The following CTNND1 variants were observed in gnomAD, a reference collection of about 807,000 sequenced individuals.
The protein encoded by CTNND1 is catenin delta 1.
A neutral mutation model predicts 112.1 loss-of-function variants in CTNND1; 16 were observed. The observed-to-expected ratio is 0.14, with a 90% confidence interval of 0.10 to 0.22. The LOEUF (loss-of-function observed/expected upper bound fraction) is 0.22, where lower values mean the gene tolerates loss of function less well. CTNND1 is among the 10% of genes least tolerant of loss of function. The probability of loss-of-function intolerance (pLI) is 1.00; values close to 1 mark genes in which losing one functional copy is unlikely to be tolerated. For synonymous variants in CTNND1, 420 were observed against 446.5 expected, an observed-to-expected ratio of 0.94 and a Z score of 0.75; for missense variants, 1,008 against 1,257.0, an observed-to-expected ratio of 0.80 and a Z score of 3.00.
At chr11:57,809,214 T>C (rs941022910) in intron 14 of CTNND1, 60 bp from the exon 15 acceptor site, 3 of 1,244,780 alleles carry the variant, frequency 2.4e-6, no homozygotes, top group Admixed American at 1.8e-5. Flanking sequence ...TTAAGTATAA[T>C]GTAAGGCTCT....
At chr11:57,807,605 CAA>C (rs71470294) in intron 12 of CTNND1, among the ~76,000 whole-genome samples, 576 of 29,122 alleles carry the variant, frequency 0.02, 1 homozygote, top group African/African-American at 0.072. Context: ...AACTCCGTCT[CAA>C]AAAAAAAAAA....
rs2064074532 is a variant in CTNND1 at position 57,818,186 on chromosome 11, T to C, written c.*1878T>C. On this transcript the variant is annotated 3_prime_UTR_variant, in exon 21 of 21. Coordinates refer to ENST00000399050, the MANE Select transcript of CTNND1 (RefSeq NM_001085458.2). ...GATCTCTCTTGTCCTCTTCTGCTCT[T>C]TTCCTGGTGCTCTTTTTTCTCGGTG... is the stretch of plus-strand genomic sequence containing the variant. 6.6e-6 allele frequency: 1 copy of C among 152,206 alleles called. No individual in the cohort carries two copies. The highest frequency in any genetic ancestry group is 2.4e-5 in the African/African-American group (1 of 41,296). 9.4% of individuals were successfully genotyped at this position (152,206 alleles called of 1,614,324 possible). A position where few individuals can be genotyped will look rare whatever the true frequency, so the allele number is the denominator to read the frequency against.
At chr11:57,808,105 C>G in intron 12 of CTNND1, 60 bp from the exon 13 acceptor site, 1 of 1,551,548 alleles carries the variant, frequency 6.4e-7, no homozygotes, top group Non-Finnish European at 8.8e-7. Context: ...CTCCAGCCAG[C>G]TAGAGCCTGG....
At chr11:57,807,627 A>AAG (rs1555063239) in intron 12 of CTNND1, among the ~76,000 whole-genome samples, 3 of 141,394 alleles carry the variant, frequency 2.1e-5, no homozygotes, top group East Asian at 2.0e-4. Context: ...AAAAAAAAAA[A>AAG]AAAAGAAAAG....
At chr11:57,765,658 G>A (rs573132534) in intron 1 of CTNND1, among the ~76,000 whole-genome samples, 120 of 151,742 alleles carry the variant, frequency 7.9e-4, no homozygotes, top group Middle Eastern at 6.8e-3. Context: ...TGTGGAGATG[G>A]GGTCTCTCTA....
chr11:57,809,199 T>C, intron 14 of CTNND1, 75 bp from the exon 15 acceptor site: 3 of 1,032,820 alleles, frequency 2.9e-6, no homozygotes, highest in Non-Finnish European at 2.9e-6. Flanking sequence ...ATATGATTAA[T>C]GCAGTTAAGT....
intron 14 of CTNND1, among the ~76,000 whole-genome samples, 174 bp downstream of exon 14, chr11:57,808,714 A>G (rs1297956319): frequency 1.3e-5 from 2 of 152,260 alleles, no homozygotes; most frequent in Non-Finnish European, 2.9e-5. Context: ...GTTCTTGGAA[A>G]GAAAACAAGT....
Position 57,815,929 on chromosome 11 carries a change from G to A in CTNND1, c.2823G>A (p.Gln941=). 1 of 1,607,842 alleles carries A rather than the reference G, an allele frequency of 6.2e-7. No individual in the cohort carries two copies. Among genetic ancestry groups the A allele is most frequent in the Non-Finnish European group, 8.5e-7 (1 of 1,178,462 alleles). ...TGTGTTCACAGCAGGACGAGGGGCA[G>A]GAATCTCTGGAGGAAGAGTTGGATG... The part of the protein sequence containing the change: ...GTTPLMQDEG[Q]ESLEEELDVL... Residue 941 remains glutamine, a synonymous_variant, in exon 20 of 21, where the codon CAG becomes CAA. Transcript: ENST00000399050.
At position 57,761,934 on chromosome 11, in the gene CTNND1, G is replaced by A. The variant is rs1949951229; in HGVS notation, c.-399G>A. On this transcript the variant is annotated 5_prime_UTR_variant, in exon 1 of 21. Coordinates refer to ENST00000399050, the MANE Select transcript of CTNND1 (RefSeq NM_001085458.2). ...AGAAGAGCAGGAAAGATCCCGAAAG[G>A]AGGAAGAGGTGGCGAAAAATCAACT... The A allele has an allele frequency of 1.0e-6, 1 of 985,324 alleles. No individual in the cohort carries two copies. Among genetic ancestry groups the A allele is most frequent in the Admixed American group, 6.1e-5 (1 of 16,270 alleles). The allele number at this position is 985,324 out of a possible 1,614,324, so 61.0% of individuals were successfully genotyped here. A position where few individuals can be genotyped will look rare whatever the true frequency, so the allele number is the denominator to read the frequency against.
intron 1 of CTNND1, among the ~76,000 whole-genome samples, chr11:57,765,950 C>T (rs1027567017): frequency 2.6e-5 from 4 of 151,908 alleles, no homozygotes; most frequent in African/African-American, 7.3e-5. Context: ...GTGGGTGGAT[C>T]GCTGGGCAAC....
intron 3 of CTNND1, 126 bp from the exon 4 acceptor site, chr11:57,793,884 A>C (rs2061044949): frequency 1.2e-6 from 1 of 850,956 alleles, no homozygotes; most frequent in Admixed American, 2.2e-5. Flanking sequence ...GAGTACTGAC[A>C]CAAGGACTCC....
intron 2 of CTNND1, among the ~76,000 whole-genome samples, chr11:57,790,550 GTGTTTTTTTTTT>G (rs1376105339): frequency 4.7e-5 from 4 of 85,922 alleles, no homozygotes; most frequent in African/African-American, 8.4e-5. Flanking sequence ...GTCTGTGTGT[GTGTTTTTTTTTT>G]TTTTTTTTTT....
intron 1 of CTNND1, among the ~76,000 whole-genome samples, chr11:57,778,333 A>G (rs1160929448): frequency 2.0e-5 from 3 of 152,214 alleles, no homozygotes; most frequent in Admixed American, 6.5e-5. Flanking sequence ...GTAGTTCTCC[A>G]AATGGGAATA....
At chr11:57,800,961 C>G (rs2061960678) in intron 6 of CTNND1, among the ~76,000 whole-genome samples, 1 of 152,128 alleles carries the variant, frequency 6.6e-6, no homozygotes, top group African/African-American at 2.4e-5. Flanking sequence ...GCTGGGCTTC[C>G]CAAATGTGAT....
chr11:57,796,328 G>C, intron 5 of CTNND1, 129 bp from the exon 6 acceptor site: 2 of 846,386 alleles, frequency 2.4e-6, no homozygotes, highest in Middle Eastern at 2.8e-4. Flanking sequence ...AGAGGTTGCA[G>C]GTGAGCCGAG....
At chr11:57,775,038 G>A (rs1407888652) in intron 1 of CTNND1, among the ~76,000 whole-genome samples, 4 of 148,320 alleles carry the variant, frequency 2.7e-5, no homozygotes, top group Non-Finnish European at 4.5e-5. Flanking sequence ...TTTTTTTTAA[G>A]ACATGAATTC....
Position 57,796,671 on chromosome 11 carries a change from G to C in CTNND1, c.635G>C (p.Gly212Ala). Residue 212 changes from glycine to alanine, a missense_variant, in exon 6 of 21, where the codon GGT becomes GCT. This residue lies in a region of CTNND1 where 404 missense variants were observed against 457.9 expected (regional missense o/e 0.88). Coordinates refer to ENST00000399050, the MANE Select transcript of CTNND1 (RefSeq NM_001085458.2). ...LPRNFHYPPD[G>A]YSRHYEDGYP... ...AGGAACTTCCACTACCCTCCTGATG[G>C]TTATAGTCGCCACTATGAAGATGGT... 6.2e-7 allele frequency: 1 copy of C among 1,614,010 alleles called. No homozygotes were observed. Among genetic ancestry groups the C allele is most frequent in the Non-Finnish European group, 8.5e-7 (1 of 1,179,898 alleles).
Position 57,814,345 on chromosome 11 carries a change from C to G in CTNND1, c.2673C>G (p.Ser891Arg). Residue 891 changes from serine (S) to arginine (R), a missense_variant, in exon 18 of 21, where the codon AGC becomes AGG. By Grantham distance (110) the Ser-to-Arg change is moderately radical. Coordinates refer to ENST00000399050, the MANE Select transcript of CTNND1 (RefSeq NM_001085458.2). ...CTGATCGGGAAGAAATTCAGATGAG[C>G]AATATGGGATCAAACACAAAATCAC... ...KKPDREEIQMSNMGSNTKSLD... is the reference protein window; with the variant it reads ...KKPDREEIQMRNMGSNTKSLD... The G allele has an allele frequency of 6.2e-7, 1 of 1,611,762 alleles. No individual in the cohort carries two copies. The highest frequency in any genetic ancestry group is 8.5e-7 in the Non-Finnish European group (1 of 1,178,860).
chr11:57,780,315 A>T (rs529784310), intron 1 of CTNND1, among the ~76,000 whole-genome samples: 2 of 152,182 alleles, frequency 1.3e-5, no homozygotes, highest in South Asian at 4.1e-4. Flanking sequence ...TCAGCCTCCC[A>T]AAGTGCTGGG....
Sources: allele counts gnomAD v4.1 joint callset (sites outside exome capture counted in the v4.1 genomes callset), GRCh38; gene constraint gnomAD v4.1.1; regional missense constraint gnomAD v4.1.1; transcripts MANE v1.5; gene names NCBI Gene and HGNC (gene_info 2026-07-23, HGNC 2026-07-21).